The following HACD2 variants were observed in gnomAD, a reference collection of about 807,000 sequenced individuals.
The protein encoded by HACD2 is very-long-chain (3R)-3-hydroxyacyl-CoA dehydratase 2.
HACD2 carries 15 observed loss-of-function variants against 31.0 expected under a neutral mutation model. The observed-to-expected ratio is 0.48, with a 90% CI of 0.32 to 0.75. The LOEUF is 0.75. Among genes scored for constraint, HACD2 ranks in the 30% least tolerant of loss-of-function variants. HACD2 has a pLI of 0.03. For missense variants in HACD2, 283 were observed against 313.0 expected, an observed-to-expected ratio of 0.90 and a Z score of 0.72; for synonymous variants, 115 against 122.2, an observed-to-expected ratio of 0.94 and a Z score of 0.39.
chr3:123,503,807 C>T (rs554554446), intron 4 of HACD2, among the ~76,000 whole-genome samples: 5 of 151,842 alleles, frequency 3.3e-5, no homozygotes, highest in African/African-American at 7.3e-5. Flanking sequence ...GACTTTCTGT[C>T]CCACTCCTAA....
At position 123,537,418 on chromosome 3, in the gene HACD2, A is replaced by T. The variant is rs80113238; in HGVS notation, c.293-8944T>A. 5.5e-3 allele frequency among the ~76,000 whole-genome samples: 831 copies of T among 152,234 alleles called. 10 individuals are homozygous for T. The highest frequency in any genetic ancestry group is 0.019 in the African/African-American group (795 of 41,530). ...CACATCTACAAAAATTTTTTTAAAA[A>T]ATAGCCGGGCATGGTAGCATGTGTC... On this transcript the variant is annotated intron_variant, in intron 3 of 6. Coordinates refer to ENST00000383657, the MANE Select transcript of HACD2 (RefSeq NM_198402.5).
chr3:123,508,357 G>A (rs188440971), intron 4 of HACD2, among the ~76,000 whole-genome samples: 1,854 of 152,246 alleles, frequency 0.012, 19 homozygotes, highest in Non-Finnish European at 0.021. Flanking sequence ...GGGTGTAGGC[G>A]GCTTGTGTAA....
chr3:123,544,055 G>C (rs2056525482), intron 3 of HACD2, among the ~76,000 whole-genome samples: 2 of 152,180 alleles, frequency 1.3e-5, no homozygotes, highest in Admixed American at 1.3e-4. Context: ...TGTTCACACA[G>C]ATGTTAAAAG....
At chr3:123,534,090 G>T (rs969695270) in intron 3 of HACD2, among the ~76,000 whole-genome samples, 4 of 151,848 alleles carry the variant, frequency 2.6e-5, no homozygotes, top group African/African-American at 9.7e-5. Flanking sequence ...GCAATTGGTT[G>T]CTTGCTTCCC....
At chr3:123,541,184 T>C (rs1475261641) in intron 3 of HACD2, among the ~76,000 whole-genome samples, 1 of 152,082 alleles carries the variant, frequency 6.6e-6, no homozygotes, top group Non-Finnish European at 1.5e-5. Flanking sequence ...GGCAGGAGAA[T>C]TGCTTGAGCC....
chr3:123,528,492 A>G lies in HACD2; in HGVS notation c.293-18T>C. ...AACAATTCCTGAAAGAAATTTTGGG[A>G]TGGATAAATAAATGTACTGTACTAA... is the stretch of plus-strand genomic sequence containing the variant. On this transcript the variant is annotated intron_variant, in intron 3 of 6. Transcript: ENST00000383657. 1 of 1,430,042 alleles carries G rather than the reference A, an allele frequency of 7.0e-7. No homozygotes were observed. The highest frequency in any genetic ancestry group is 9.9e-7 in the Non-Finnish European group (1 of 1,012,712). The allele number at this position is 1,430,042 out of a possible 1,614,324, so 88.6% of individuals were successfully genotyped here. A position where few individuals can be genotyped will look rare whatever the true frequency, so the allele number is the denominator to read the frequency against.
chr3:123,580,526 G>T (rs1236144360), intron 2 of HACD2, among the ~76,000 whole-genome samples: 1 of 152,040 alleles, frequency 6.6e-6, no homozygotes, highest in Non-Finnish European at 1.5e-5. Context: ...GTTCACGCCT[G>T]TAATCTCAGT....
rs995738222 is a variant in HACD2 at position 123,550,365 on chromosome 3, A to G, written c.292+17397T>C. ...CTAGAGAAGCAAGAGGAAAAAGAGA[A>G]ATGGAGAAAATGAGCAGCAATGAAG... On this transcript the variant is annotated intron_variant, in intron 3 of 6. Transcript: ENST00000383657. Among the ~76,000 whole-genome samples the G allele has an allele frequency of 5.0e-4, 76 of 152,184 alleles. 1 individual carries two copies. Among genetic ancestry groups the G allele is most frequent in the African/African-American group, 1.8e-3 (73 of 41,434 alleles).
intron 4 of HACD2, among the ~76,000 whole-genome samples, chr3:123,520,955 C>T (rs2056206936): frequency 6.6e-6 from 1 of 152,184 alleles, no homozygotes; most frequent in Admixed American, 6.5e-5. Context: ...TTCCTTCACT[C>T]TCATTCCTTT....
At chr3:123,563,434 T>A (rs1372309619) in intron 3 of HACD2, among the ~76,000 whole-genome samples, 1 of 152,052 alleles carries the variant, frequency 6.6e-6, no homozygotes, top group Admixed American at 6.5e-5. Flanking sequence ...AGGGCACAGA[T>A]CATGAAGAAA....
Position 123,494,688 on chromosome 3 carries a change from C to A in HACD2, c.*200G>T. 1 of 591,632 alleles carries A rather than the reference C, an allele frequency of 1.7e-6. No individual in the cohort carries two copies. The allele number at this position is 591,632 out of a possible 1,614,324, so 36.6% of individuals were successfully genotyped here. A position where few individuals can be genotyped will look rare whatever the true frequency, so the allele number is the denominator to read the frequency against. On this transcript the variant is annotated 3_prime_UTR_variant, in exon 7 of 7. Coordinates refer to ENST00000383657, the MANE Select transcript of HACD2 (RefSeq NM_198402.5). ...AAAGAGCATGCTGAAATGAACTGGC[C>A]AGGGTGTTTTATGTAACAACCTTTT... is the stretch of plus-strand genomic sequence containing the variant.
rs2055888659 is a variant in HACD2, at chr3:123,500,453, T to C, written c.682+62A>G. 3 of 1,040,616 alleles carry C rather than the reference T, an allele frequency of 2.9e-6. No individual in the cohort carries two copies. In the Admixed American group the frequency reaches 7.1e-5, roughly 25 times the overall value. 64.5% of individuals were successfully genotyped at this position (1,040,616 alleles called of 1,614,324 possible). A position where few individuals can be genotyped will look rare whatever the true frequency, so the allele number is the denominator to read the frequency against. On this transcript the variant is annotated intron_variant, in intron 6 of 6. Coordinates refer to ENST00000383657, the MANE Select transcript of HACD2 (RefSeq NM_198402.5). ...TATAGTGCAAAGACAGTCAAAGATA[T>C]TTAGTTATTGTAGAGCCAAATTTTA... is the stretch of plus-strand genomic sequence containing the variant.
intron 1 of HACD2, among the ~76,000 whole-genome samples, chr3:123,583,106 T>C (rs939857734): frequency 6.6e-6 from 1 of 152,238 alleles, no homozygotes; most frequent in Non-Finnish European, 1.5e-5. Flanking sequence ...GTGTGGTCTA[T>C]GCTATTTCCA....
chr3:123,553,662 G>A (rs1002580609), intron 3 of HACD2, among the ~76,000 whole-genome samples: 5 of 152,330 alleles, frequency 3.3e-5, no homozygotes, highest in South Asian at 2.1e-4. Flanking sequence ...GATTCCTCAA[G>A]TGCTCTAATA....
chr3:123,520,564 A>C (rs1301143210), intron 4 of HACD2, among the ~76,000 whole-genome samples: 1 of 152,248 alleles, frequency 6.6e-6, no homozygotes, highest in Non-Finnish European at 1.5e-5. Flanking sequence ...GCAATGCAGA[A>C]AGTTCTATTG....
In HACD2 at chr3:123,491,741, T is replaced by C. The variant is rs1250956164; in HGVS notation, c.*3147A>G. ...AAAAATACATTTAAATTATATAATT[T>C]TAGTGAATCAAAGACTTATAAAATT... is the stretch of plus-strand genomic sequence containing the variant. On this transcript the variant is annotated 3_prime_UTR_variant, in exon 7 of 7. Coordinates refer to ENST00000383657, the MANE Select transcript of HACD2 (RefSeq NM_198402.5). 1 of 152,644 alleles carries C rather than the reference T, an allele frequency of 6.6e-6. No individual in the cohort carries two copies. Among genetic ancestry groups the C allele is most frequent in the Admixed American group, 6.5e-5 (1 of 15,290 alleles). The allele number at this position is 152,644 out of a possible 1,614,324, so 9.5% of individuals were successfully genotyped here. A position where few individuals can be genotyped will look rare whatever the true frequency, so the allele number is the denominator to read the frequency against.
intron 4 of HACD2, 125 bp from the exon 5 acceptor site, chr3:123,502,806 G>A (rs2055921092): frequency 1.2e-5 from 11 of 954,882 alleles, no homozygotes; most frequent in Non-Finnish European, 1.7e-5. Flanking sequence ...CAGGACCCCT[G>A]TATGGCAGAA....
rs202145009 is a variant in HACD2, at chr3:123,579,299, G to GTT, written c.273+2911_273+2912dup. On this transcript the variant is annotated intron_variant, in intron 2 of 6. Coordinates refer to ENST00000383657, the MANE Select transcript of HACD2 (RefSeq NM_198402.5). ...AAAATTATACTTCTAACATTACCAA[G>GTT]TTTTTTTTTTTTTGAGACAAGGTCT... Among the ~76,000 whole-genome samples, 158 of 144,932 alleles carry GTT rather than the reference G, an allele frequency of 1.1e-3. 1 individual carries two copies. Among genetic ancestry groups the GTT allele is most frequent in the African/African-American group, 3.7e-3 (145 of 39,722 alleles).
rs1054138416 is a variant in HACD2, at chr3:123,513,061, TC to T, written c.382-10381del. 2.7e-4 allele frequency among the ~76,000 whole-genome samples: 41 copies of T among 152,126 alleles called. 1 individual carries two copies. The highest frequency in any genetic ancestry group is 2.1e-4 in the South Asian group (1 of 4,816). ...AGTCTGGAAATCTTTTTGTGCCAGA[TC>T]ATAAGGAAATACTCAATGGATGATG... On this transcript the variant is annotated intron_variant, in intron 4 of 6. Coordinates refer to ENST00000383657, the MANE Select transcript of HACD2 (RefSeq NM_198402.5).
Sources: allele counts gnomAD v4.1 joint callset (sites outside exome capture counted in the v4.1 genomes callset), GRCh38; gene constraint gnomAD v4.1.1; transcripts MANE v1.5; gene names NCBI Gene and HGNC (gene_info 2026-07-23, HGNC 2026-07-21).